Variants in VPS53 observed in about 807,000 individuals in gnomAD.
VPS53 encodes the protein VPS53 subunit of GARP complex, also known as vacuolar protein sorting-associated protein 53 homolog.
A neutral mutation model predicts 107.0 loss-of-function variants in VPS53; 70 were observed. The ratio of observed to expected loss-of-function variants is 0.65; its 90% CI spans 0.54 to 0.80. The LOEUF (loss-of-function observed/expected upper bound fraction) is 0.80. VPS53 is among the 30% of genes least tolerant of loss of function. VPS53 has a pLI of 0.00. For missense variants in VPS53, 917 were observed against 1,049.4 expected (o/e 0.87, Z 1.74); for synonymous variants, 409 against 393.3 (o/e 1.04, Z -0.47).
At chr17:527,410 A>G (rs1382702580) in intron 19 of VPS53, among the ~76,000 whole-genome samples, 3 of 152,142 alleles carry the variant, frequency 2.0e-5, no homozygotes, top group African/African-American at 7.2e-5. Flanking sequence ...ATTCGTGCGC[A>G]TGCCTTTGGT....
intron 11 of VPS53, among the ~76,000 whole-genome samples, chr17:610,520 T>C (rs1181066030): frequency 6.6e-6 from 1 of 152,040 alleles, no homozygotes; most frequent in African/African-American, 2.4e-5. Flanking sequence ...AAAACCTTCA[T>C]TAAAACGGAA....
chr17:646,470 C>T (rs191436815), intron 7 of VPS53, among the ~76,000 whole-genome samples: 18 of 118,112 alleles, frequency 1.5e-4, no homozygotes, highest in East Asian at 1.1e-3. Context: ...TCTCCGTGAC[C>T]GCGTGGCCAC....
Position 519,024 on chromosome 17 carries a change from A to C in VPS53, c.*104T>G. On this transcript the variant is annotated 3_prime_UTR_variant, in exon 22 of 22. Coordinates refer to ENST00000437048, the MANE Select transcript of VPS53 (RefSeq NM_001128159.3). This position sits in a 1 kb window ranked among gnomAD's most constrained non-coding sequence, Gnocchi z 5.0. The stretch of plus-strand genomic sequence containing the variant: ...AACCCACATGTCCCAGGAAGTTTGA[A>C]GACCGACGATGTGAGAGTGCCGGGG... The C allele has an allele frequency of 7.8e-7, 1 of 1,285,884 alleles. No individual in the cohort carries two copies. The highest frequency in any genetic ancestry group is 1.0e-6 in the Non-Finnish European group (1 of 961,434). The allele number at this position is 1,285,884 out of a possible 1,614,324, so 79.7% of individuals were successfully genotyped here.
At chr17:655,041 C>A (rs1971130077) in intron 6 of VPS53, among the ~76,000 whole-genome samples, 1 of 152,170 alleles carries the variant, frequency 6.6e-6, no homozygotes, top group South Asian at 2.1e-4. Context: ...TCCCTCAAGG[C>A]ACTCTCCCAC....
chr17:575,728 T>G (rs147590333), intron 13 of VPS53, among the ~76,000 whole-genome samples: 112 of 150,116 alleles, frequency 7.5e-4, no homozygotes, highest in Non-Finnish European at 8.9e-4. Context: ...CAGAATCTAA[T>G]GCTTTCCCAG....
intron 11 of VPS53, among the ~76,000 whole-genome samples, chr17:610,959 T>C (rs1371589366): frequency 6.6e-6 from 1 of 150,922 alleles, no homozygotes; most frequent in Non-Finnish European, 1.5e-5. Flanking sequence ...AAAAAAGTTA[T>C]AGAATATATC....
intron 10 of VPS53, 62 bp from the exon 11 acceptor site, chr17:623,736 G>T (rs58265223): frequency 1.3e-6 from 2 of 1,515,158 alleles, no homozygotes; most frequent in African/African-American, 1.4e-5. Flanking sequence ...GTAGAGATAA[G>T]GTAAATGGCC....
chr17:632,765 C>T (rs750584244), intron 7 of VPS53: 5 of 456,406 alleles, frequency 1.1e-5, no homozygotes, highest in South Asian at 7.7e-5. Flanking sequence ...CATGAGGAAT[C>T]TGTCTTCCCG....
intron 4 of VPS53, among the ~76,000 whole-genome samples, chr17:672,175 A>ACCTCTCTCTC (rs1971987159): frequency 9.3e-6 from 1 of 107,068 alleles, no homozygotes; most frequent in Non-Finnish European, 1.9e-5. Flanking sequence ...CACAATCTCA[A>ACCTCTCTCTC]TCTCTCTCTC....
At chr17:567,262 G>T (rs1913612106) in intron 13 of VPS53, among the ~76,000 whole-genome samples, 1 of 152,190 alleles carries the variant, frequency 6.6e-6, no homozygotes, top group East Asian at 1.9e-4. Flanking sequence ...TTTGTAGAAT[G>T]TCTACAGGAT....
At chr17:686,041 G>C (rs1479098208) in intron 4 of VPS53, among the ~76,000 whole-genome samples, 2 of 151,676 alleles carry the variant, frequency 1.3e-5, no homozygotes, top group Admixed American at 1.3e-4. Flanking sequence ...AGAATTGGCT[G>C]GTTGCAGTGG....
intron 4 of VPS53, among the ~76,000 whole-genome samples, chr17:668,722 T>C (rs1197477070): frequency 6.6e-6 from 1 of 152,106 alleles, no homozygotes; most frequent in Non-Finnish European, 1.5e-5. Context: ...ACAAACACCC[T>C]AAAACATATG....
chr17:532,660 C>T (rs1909684114), intron 19 of VPS53, 182 bp downstream of exon 19: 1 of 1,399,858 alleles, frequency 7.1e-7, no homozygotes, highest in Non-Finnish European at 9.3e-7. Context: ...GGCGTTCAAA[C>T]AAAATTTTTA....
chr17:531,225 C>T (rs562158206), intron 19 of VPS53, among the ~76,000 whole-genome samples: 4 of 152,314 alleles, frequency 2.6e-5, no homozygotes, highest in East Asian at 1.9e-4. Context: ...TCAGGGGCCA[C>T]GTTGCCCTGT....
At position 519,391 on chromosome 17, in the gene VPS53, G is replaced by A; in HGVS notation, c.2329-93C>T. On this transcript the variant is annotated intron_variant, in intron 21 of 21. Coordinates refer to ENST00000437048, the MANE Select transcript of VPS53 (RefSeq NM_001128159.3). This position sits in a 1 kb window ranked among gnomAD's most constrained non-coding sequence, Gnocchi z 5.0. The stretch of plus-strand genomic sequence containing the variant: ...GTATCTGGATATGGGGTCAGCAGAG[G>A]CTCTGGAGACAGCATAGTTACTCCA... 2.7e-5 allele frequency: 34 copies of A among 1,282,266 alleles called. No individual in the cohort carries two copies. Among genetic ancestry groups the A allele is most frequent in the Non-Finnish European group, 3.4e-5 (33 of 968,424 alleles). 79.4% of individuals were successfully genotyped at this position (1,282,266 alleles called of 1,614,324 possible). A position where few individuals can be genotyped will look rare whatever the true frequency, so the allele number is the denominator to read the frequency against.
chr17:621,261 C>T (rs942788204), intron 11 of VPS53, among the ~76,000 whole-genome samples: 2 of 152,018 alleles, frequency 1.3e-5, no homozygotes, highest in Non-Finnish European at 2.9e-5. Context: ...GTCCGGCCCC[C>T]GTTCTACCAC....
intron 13 of VPS53, among the ~76,000 whole-genome samples, chr17:579,516 A>G (rs1966879578): frequency 6.7e-6 from 1 of 150,014 alleles, no homozygotes; most frequent in Non-Finnish European, 1.5e-5. Flanking sequence ...CCTCCCTCAC[A>G]ATCTCAGTGC....
intron 7 of VPS53, among the ~76,000 whole-genome samples, chr17:652,345 C>T (rs1185785800): frequency 6.6e-6 from 1 of 152,204 alleles, no homozygotes; most frequent in Admixed American, 6.5e-5. Flanking sequence ...TCCCATCCCA[C>T]ATGCTTTTTG....
At chr17:609,361 G>A (rs1205684724) in intron 11 of VPS53, among the ~76,000 whole-genome samples, 1 of 152,180 alleles carries the variant, frequency 6.6e-6, no homozygotes, top group Admixed American at 6.5e-5. Flanking sequence ...ATATTCCACT[G>A]TACGGACAGA....
Sources: gnomAD v4.1 joint callset for allele counts (sites outside exome capture counted in the v4.1 genomes callset) on GRCh38, gnomAD v4.1.1 for gene constraint, Gnocchi (gnomAD v3.1) non-coding constraint, MANE v1.5 for transcripts, NCBI Gene and HGNC (gene_info 2026-07-23, HGNC 2026-07-21) for gene names.